Variants in HK1 observed in about 807,000 individuals in gnomAD.
The protein encoded by HK1 is hexokinase 1, also known as hexokinase-1.
A neutral mutation model predicts 91.6 loss-of-function variants in HK1; 28 were observed. That is an observed-to-expected ratio of 0.31 (90% CI 0.23 to 0.42). HK1 has a LOEUF of 0.42. HK1 is among the 10% of genes least tolerant of loss of function. The probability of loss-of-function intolerance (pLI) is 1.00; values close to 1 mark genes in which losing one functional copy is unlikely to be tolerated. For synonymous variants in HK1, 430 were observed against 468.1 expected (o/e 0.92, Z 1.05); for missense variants, 770 against 1,219.8 (o/e 0.63, Z 5.49).
chr10:69,293,940 C>A (rs1394230941), intron 3 of HK1, among the ~76,000 whole-genome samples: 1 of 144,852 alleles, frequency 6.9e-6, no homozygotes, highest in Non-Finnish European at 1.5e-5. Flanking sequence ...CGGCTCACTG[C>A]AAGCTCCGCC....
At chr10:69,373,668 G>A (rs1000253414) in intron 7 of HK1, among the ~76,000 whole-genome samples, 15 of 150,426 alleles carry the variant, frequency 1.0e-4, no homozygotes, top group Non-Finnish European at 1.8e-4. Context: ...TCAGCTCACT[G>A]CAGCCTTAAA....
intron 1 of HK1, among the ~76,000 whole-genome samples, chr10:69,319,799 T>C (rs1404403800): frequency 6.6e-6 from 1 of 152,228 alleles, no homozygotes; most frequent in Admixed American, 6.5e-5. Flanking sequence ...TGTAAAATAC[T>C]GTCCGCTGGC....
chr10:69,311,871 G>A (rs537692585), upstream of HK1, among the ~76,000 whole-genome samples: 6 of 152,168 alleles, frequency 3.9e-5, no homozygotes, highest in South Asian at 6.2e-4. Context: ...TCCTGACCTC[G>A]TGATCCGCCT....
chr10:69,335,963 T>C (rs1031882758), intron 1 of HK1, among the ~76,000 whole-genome samples: 7 of 152,198 alleles, frequency 4.6e-5, no homozygotes, highest in Non-Finnish European at 4.4e-5. Context: ...AAAAAGTGTT[T>C]ATGATATAAT....
upstream of HK1, among the ~76,000 whole-genome samples, chr10:69,318,625 G>T (rs958745376): frequency 6.6e-6 from 1 of 152,122 alleles, no homozygotes; most frequent in African/African-American, 2.4e-5. Context: ...TCGCTGCGTC[G>T]CCCGCCCCCT....
chr10:69,292,478 C>G, intron 3 of HK1: 1 of 298,582 alleles, frequency 3.3e-6, no homozygotes, highest in Non-Finnish European at 6.7e-6. Flanking sequence ...CAGGGACTAC[C>G]TGCATGTCCA....
intron 7 of HK1, among the ~76,000 whole-genome samples, chr10:69,373,967 T>G (rs1432188276): frequency 6.6e-6 from 1 of 152,168 alleles, no homozygotes; most frequent in African/African-American, 2.4e-5. Flanking sequence ...TTTTTCCCTG[T>G]GATTCCTTAT....
intron 1 of HK1, among the ~76,000 whole-genome samples, chr10:69,273,984 T>C (rs1164503799): frequency 6.6e-6 from 1 of 152,182 alleles, no homozygotes; most frequent in East Asian, 1.9e-4. Context: ...CACATTTTTC[T>C]ACTTCTTTGC....
At chr10:69,336,637 CTT>C (rs56893382) in intron 1 of HK1, among the ~76,000 whole-genome samples, 3 of 114,132 alleles carry the variant, frequency 2.6e-5, no homozygotes, top group East Asian at 2.3e-4. Flanking sequence ...TGGTAGATGC[CTT>C]TTTTTTTTTT....
At chr10:69,327,174 A>G (rs1847432236) in intron 1 of HK1, among the ~76,000 whole-genome samples, 1 of 151,932 alleles carries the variant, frequency 6.6e-6, no homozygotes, top group African/African-American at 2.4e-5. Context: ...TATTTTTAGT[A>G]GAGACGGGGT....
At chr10:69,276,126 TATATATATATATACAC>T (rs1798794899) in intron 1 of HK1, among the ~76,000 whole-genome samples, 1 of 94,346 alleles carries the variant, frequency 1.1e-5, no homozygotes, top group African/African-American at 3.6e-5. Context: ...AAAATACATA[TATATATATATATACAC>T]ATATATATAT....
upstream of HK1, among the ~76,000 whole-genome samples, chr10:69,315,012 A>T (rs574798768): frequency 2.0e-5 from 3 of 151,998 alleles, no homozygotes; most frequent in South Asian, 6.3e-4. Context: ...CCTTGAGTCC[A>T]GGAGTTCGAG....
In HK1 at chr10:69,289,460, A is replaced by ATTTT. The variant is rs1564755510; in HGVS notation, c.-115+690_-115+691insTTTT. Among the ~76,000 whole-genome samples the ATTTT allele has an allele frequency of 3.3e-3, 310 of 93,588 alleles. 7 individuals are homozygous for ATTTT. The highest frequency in any genetic ancestry group is 5.5e-3 in the African/African-American group (138 of 25,008). The allele number at this position is 93,588 out of a possible 152,430, so 61.4% of individuals were successfully genotyped here. ...TGGGCTTCTGCCCATTAAAAAAAAAAATTTTTTTTTTTTTTTTTTTTTTTT... is the reference window on the plus strand; with the variant it reads ...TGGGCTTCTGCCCATTAAAAAAAAAATTTTATTTTTTTTTTTTTTTTTTTTTTTT... On this transcript the variant is annotated intron_variant, in intron 3 of 21. Coordinates refer to the HK1 transcript ENST00000360289.
At chr10:69,273,032 C>CTTTT (rs745403867) in intron 1 of HK1, among the ~76,000 whole-genome samples, 1 of 130,624 alleles carries the variant, frequency 7.7e-6, no homozygotes, top group Non-Finnish European at 1.6e-5. Context: ...TCTTTTTTAC[C>CTTTT]TTTTTTTTTT....
chr10:69,282,907 A>G (rs1286346495), intron 2 of HK1, among the ~76,000 whole-genome samples: 2 of 151,578 alleles, frequency 1.3e-5, no homozygotes, highest in Non-Finnish European at 2.9e-5. Context: ...ACCTGAGGTC[A>G]GGAGTTTGAG....
At chr10:69,387,642 C>G (rs563991287) in intron 13 of HK1, among the ~76,000 whole-genome samples, 2 of 152,194 alleles carry the variant, frequency 1.3e-5, no homozygotes, top group Admixed American at 1.3e-4. Context: ...CCTCACCCTC[C>G]CAAAGTGTTA....
chr10:69,320,929 G>A (rs937082346), intron 1 of HK1, among the ~76,000 whole-genome samples: 19 of 152,142 alleles, frequency 1.2e-4, no homozygotes, highest in Non-Finnish European at 2.6e-4. Context: ...CTAGGCCCCC[G>A]TAGGTACCTG....
intron 2 of HK1, among the ~76,000 whole-genome samples, chr10:69,357,490 G>C (rs1223985261): frequency 6.6e-6 from 1 of 152,088 alleles, no homozygotes; most frequent in African/African-American, 2.4e-5. Context: ...TCGCTCTGTT[G>C]CCCAGGCTGG....
In HK1 at chr10:69,380,949, T is replaced by C. The variant is rs1589568267; in HGVS notation, c.1265+854T>C. Among the ~76,000 whole-genome samples the C allele has an allele frequency of 6.6e-6, 1 of 152,224 alleles. No homozygotes were observed. Among genetic ancestry groups the C allele is most frequent in the South Asian group, 2.1e-4 (1 of 4,838 alleles). On this transcript the variant is annotated intron_variant, in intron 9 of 17. Transcript: ENST00000359426. The surrounding 1 kb of genome is among the most constrained non-coding windows in gnomAD (Gnocchi z 4.0). ...ATACAATGTGCATGTGAAGCACCCA[T>C]GTCAGTACTGCACCTTCACACCCAG...
Sources: allele counts gnomAD v4.1 joint callset (sites outside exome capture counted in the v4.1 genomes callset), GRCh38; gene constraint gnomAD v4.1.1; non-coding constraint Gnocchi (gnomAD v3.1); transcripts MANE v1.5; gene names NCBI Gene and HGNC (gene_info 2026-07-23, HGNC 2026-07-21).